The following UGT2B11 variants were observed in gnomAD, a reference collection of about 807,000 sequenced individuals.
UGT2B11 encodes the protein UDP-glucuronosyltransferase 2B11.
Under a neutral mutation model 51.7 loss-of-function variants are expected in UGT2B11, and 49 were observed. That is an observed-to-expected ratio of 0.95 (90% confidence interval 0.75 to 1.20). The LOEUF is 1.20. Ranked by LOEUF, UGT2B11 falls within the 50% of genes most tolerant of loss-of-function variation. The pLI, the probability that UGT2B11 is intolerant of heterozygous loss-of-function variation, is 0.00. For synonymous variants in UGT2B11, 273 were observed against 209.0 expected (o/e 1.31, Z -2.64); for missense variants, 810 against 622.1 (o/e 1.30, Z -3.21).
rs867992347 is a variant in UGT2B11 at position 69,200,308 on chromosome 4, G to C, written c.*132C>G. On this transcript the variant is annotated 3_prime_UTR_variant, in exon 6 of 6. Coordinates refer to ENST00000446444, the MANE Select transcript of UGT2B11 (RefSeq NM_001073.3). ...AATTTTTACTTGACAAGGTAGATTT[G>C]AAAATTTTTTTTTTTTTTTTTTTTT... 9.6e-7 allele frequency: 1 copy of C among 1,043,352 alleles called. No individual in the cohort carries two copies. The highest frequency in any genetic ancestry group is 4.3e-5 in the Admixed American group (1 of 23,182). 64.6% of individuals were successfully genotyped at this position (1,043,352 alleles called of 1,614,324 possible). A position where few individuals can be genotyped will look rare whatever the true frequency, so the allele number is the denominator to read the frequency against.
chr4:69,219,539 G>A (rs370359359), upstream of UGT2B11, among the ~76,000 whole-genome samples: 24 of 152,012 alleles, frequency 1.6e-4, no homozygotes, highest in African/African-American at 3.1e-4. Context: ...AGACATACCC[G>A]AGACTGGGTA....
At chr4:69,208,713 C>T (rs1484129404) in intron 2 of UGT2B11, among the ~76,000 whole-genome samples, 1 of 151,514 alleles carries the variant, frequency 6.6e-6, no homozygotes, top group East Asian at 1.9e-4. Context: ...TATGTGTCTG[C>T]ATGTGTGTAA....
At chr4:69,213,550 A>G (rs1227607211) in intron 1 of UGT2B11, among the ~76,000 whole-genome samples, 5 of 151,872 alleles carry the variant, frequency 3.3e-5, no homozygotes, top group African/African-American at 4.8e-5. Flanking sequence ...TTCTGGAAAC[A>G]TGGGAATATC....
chr4:69,212,057 C>T (rs1197385390), intron 2 of UGT2B11, among the ~76,000 whole-genome samples: 1 of 151,510 alleles, frequency 6.6e-6, no homozygotes, highest in Non-Finnish European at 1.5e-5. Flanking sequence ...TTTTAGCCCT[C>T]ATCTTACTAA....
At chr4:69,204,278 T>A in intron 5 of UGT2B11, 152 bp downstream of exon 5, 1 of 1,247,902 alleles carries the variant, frequency 8.0e-7, no homozygotes, top group Non-Finnish European at 1.1e-6. Flanking sequence ...TTTTAAATAA[T>A]AGATGATAAA....
chr4:69,208,260 C>A, intron 3 of UGT2B11, 91 bp downstream of exon 3: 2 of 1,573,964 alleles, frequency 1.3e-6, no homozygotes, highest in Admixed American at 2.0e-5. Flanking sequence ...GTAAAGAGTT[C>A]ACTCTACTCT....
the UGT2B11 span, among the ~76,000 whole-genome samples, chr4:69,224,501 C>T: frequency 1.3e-5 from 2 of 152,036 alleles, no homozygotes; most frequent in African/African-American, 2.4e-5. Flanking sequence ...CTCATGGCCG[C>T]GCTAATCACC....
chr4:69,206,765 G>T (rs1721875202), intron 3 of UGT2B11, among the ~76,000 whole-genome samples: 2 of 151,518 alleles, frequency 1.3e-5, no homozygotes, highest in South Asian at 4.1e-4. Flanking sequence ...TTTGTTTTAT[G>T]TATTTTATAT....
chr4:69,200,666 T>C lies in UGT2B11; in HGVS notation c.1364A>G (p.Lys455Arg), dbSNP rs1451776940. The C allele has an allele frequency of 6.2e-7, 1 of 1,612,040 alleles. No individual in the cohort carries two copies. The highest frequency in any genetic ancestry group is 1.3e-5 in the African/African-American group (1 of 74,768). Reference sequence around the variant, plus strand: ...CCAGAAGACTGCTCGATCCAGGGGCTTTACTGGTTGATCATGTTGAATTCT... The same window carrying C: ...CCAGAAGACTGCTCGATCCAGGGGCCTTACTGGTTGATCATGTTGAATTCT... ...LSRIQHDQPV[K>R]PLDRAVFWIE... Residue 455 changes from lysine (K) to arginine (R), a missense_variant, in exon 6 of 6, where the codon AAG becomes AGG. Transcript: ENST00000446444.
At chr4:69,210,093 C>T (rs567254304) in intron 2 of UGT2B11, among the ~76,000 whole-genome samples, 10 of 151,508 alleles carry the variant, frequency 6.6e-5, no homozygotes, top group African/African-American at 1.4e-4. Flanking sequence ...TTTTATCCTG[C>T]GAAAACTTCC....
chr4:69,212,196 G>A lies in UGT2B11; in HGVS notation c.870+377C>T, dbSNP rs371316861. On this transcript the variant is annotated intron_variant, in intron 2 of 5. Coordinates refer to ENST00000446444, the MANE Select transcript of UGT2B11 (RefSeq NM_001073.3). The stretch of plus-strand genomic sequence containing the variant: ...TCTATATATCAAAGTAGAATGTAAG[G>A]TATGTGGGGACGGAAACTGTGTCTA... 2.0e-5 allele frequency among the ~76,000 whole-genome samples: 3 copies of A among 151,650 alleles called. No individual in the cohort carries two copies. In the South Asian group the frequency reaches 6.2e-4, roughly 31 times the overall value.
chr4:69,213,708 A>G, intron 1 of UGT2B11, among the ~76,000 whole-genome samples: 1 of 151,996 alleles, frequency 6.6e-6, no homozygotes, highest in Non-Finnish European at 1.5e-5. Context: ...TTTAAGATCT[A>G]AAACATTATA....
At chr4:69,223,921 A>C in the UGT2B11 span, among the ~76,000 whole-genome samples, 7 of 152,308 alleles carry the variant, frequency 4.6e-5, no homozygotes, top group African/African-American at 1.7e-4. Context: ...AGAGGTCCCA[A>C]CAAGGGGGAA....
intron 4 of UGT2B11, among the ~76,000 whole-genome samples, chr4:69,205,251 A>T (rs1271125956): frequency 6.6e-6 from 1 of 151,752 alleles, no homozygotes; most frequent in East Asian, 1.9e-4. Context: ...ATTCTGTGAG[A>T]TATAATAGCA....
intron 5 of UGT2B11, among the ~76,000 whole-genome samples, chr4:69,202,434 A>C (rs770258853): frequency 4.0e-5 from 6 of 151,714 alleles, no homozygotes; most frequent in East Asian, 2.0e-4. Context: ...TTTATTTCCA[A>C]TATGGCTGGA....
chr4:69,209,156 C>G (rs936569348), intron 2 of UGT2B11, among the ~76,000 whole-genome samples: 12 of 151,690 alleles, frequency 7.9e-5, no homozygotes, highest in African/African-American at 2.7e-4. Flanking sequence ...TTTTATGAAT[C>G]AGTCTTGGGA....
chr4:69,215,262 A>G (rs1217843094), upstream of UGT2B11: 1 of 152,470 alleles, frequency 6.6e-6, no homozygotes, highest in Non-Finnish European at 1.5e-5. Context: ...CCTGTGTATT[A>G]GTTCTCATCT....
At chr4:69,217,780 C>T (rs1229870155), upstream of UGT2B11, among the ~76,000 whole-genome samples, 4 of 151,976 alleles carry the variant, frequency 2.6e-5, no homozygotes, top group African/African-American at 9.7e-5. Context: ...TAGAAAAATA[C>T]CATACATTGC....
At chr4:69,220,211 A>C in the UGT2B11 span, among the ~76,000 whole-genome samples, 2 of 152,134 alleles carry the variant, frequency 1.3e-5, no homozygotes, top group African/African-American at 4.8e-5. Flanking sequence ...CATGCCTCAA[A>C]TACAGGTCAC....
Sources: gnomAD v4.1 joint callset for allele counts (sites outside exome capture counted in the v4.1 genomes callset) on GRCh38, gnomAD v4.1.1 for gene constraint, MANE v1.5 for transcripts, NCBI Gene and HGNC (gene_info 2026-07-23, HGNC 2026-07-21) for gene names.